NUDT21: variants seen among roughly 807,000 people sequenced by gnomAD.
NUDT21 encodes the protein nudix hydrolase 21.
In NUDT21, 5 loss-of-function variants were observed where a neutral mutation model predicts 29.8. That is an observed-to-expected ratio of 0.17 (90% CI 0.09 to 0.35). NUDT21 has a LOEUF of 0.35. NUDT21 is among the 10% of genes least tolerant of loss of function. The probability of loss-of-function intolerance (pLI) is 1.00; values close to 1 mark genes in which losing one functional copy is unlikely to be tolerated. For synonymous variants in NUDT21, 113 were observed against 98.5 expected, an observed-to-expected ratio of 1.15 and a Z score of -0.87; for missense variants, 76 against 276.0, an observed-to-expected ratio of 0.28 and a Z score of 5.13.
Position 56,432,440 on chromosome 16 carries a change from A to G in NUDT21, c.*272T>C, listed in dbSNP as rs536153794. The G allele has an allele frequency of 5.0e-4, 161 of 319,430 alleles. No homozygotes were observed. The highest frequency in any genetic ancestry group is 5.9e-4 in the Non-Finnish European group (102 of 173,820). The allele number at this position is 319,430 out of a possible 1,614,324, so 19.8% of individuals were successfully genotyped here. ...CACCTATAAGAATTTTAGAAGTTTA[A>G]TGAGAAATTAAAATAAAAAAAGTCC... On this transcript the variant is annotated 3_prime_UTR_variant, in exon 7 of 7. Coordinates refer to ENST00000300291, the MANE Select transcript of NUDT21 (RefSeq NM_007006.3).
Position 56,451,070 on chromosome 16 carries a change from G to T in NUDT21, c.116+17C>A. 1 of 1,605,560 alleles carries T rather than the reference G, an allele frequency of 6.2e-7. No homozygotes were observed. ...CTTTCACGAGAGAAATGCCCGCCAA[G>T]GCCGCGCCGCACTTACAGGTTGATG... On this transcript the variant is annotated intron_variant, in intron 1 of 6. Coordinates refer to ENST00000300291, the MANE Select transcript of NUDT21 (RefSeq NM_007006.3).
At chr16:56,446,795 A>G in intron 2 of NUDT21, 106 bp from the exon 3 acceptor site, 1 of 635,386 alleles carries the variant, frequency 1.6e-6, no homozygotes, top group African/African-American at 1.9e-5. Context: ...ATATTTCAGC[A>G]TAATAAGGCA....
chr16:56,449,578 C>T (rs768455216), intron 1 of NUDT21, among the ~76,000 whole-genome samples: 1 of 151,944 alleles, frequency 6.6e-6, no homozygotes, highest in African/African-American at 2.4e-5. Context: ...TTTAATAGAG[C>T]GAAGATTAAA....
At chr16:56,441,422 A>G (rs1179735394) in intron 3 of NUDT21, among the ~76,000 whole-genome samples, 3 of 151,822 alleles carry the variant, frequency 2.0e-5, no homozygotes, top group African/African-American at 7.3e-5. Context: ...TTTAGTAGAG[A>G]CAGGGTTTCA....
Position 56,430,492 on chromosome 16 carries a change from A to ATG in NUDT21, c.*2218_*2219dup, listed in dbSNP as rs1390418056. 6.6e-5 allele frequency: 10 copies of ATG among 152,236 alleles called. No homozygotes were observed. Among genetic ancestry groups the ATG allele is most frequent in the African/African-American group, 2.4e-4 (10 of 41,466 alleles). The allele number at this position is 152,236 out of a possible 1,614,324, so 9.4% of individuals were successfully genotyped here. ...TACAACATAGAAGCCACTAAAAAAT[A>ATG]TGGGTCTATTAATCAAGAGCCCATT... On this transcript the variant is annotated 3_prime_UTR_variant, in exon 7 of 7. Transcript: ENST00000300291.
intron 4 of NUDT21, among the ~76,000 whole-genome samples, chr16:56,436,141 C>A (rs1962101961): frequency 6.6e-6 from 1 of 151,742 alleles, no homozygotes; most frequent in Non-Finnish European, 1.5e-5. Flanking sequence ...TTATACAATT[C>A]TTGTATAAAT....
chr16:56,450,214 T>C (rs1962272051), intron 1 of NUDT21, among the ~76,000 whole-genome samples: 1 of 152,152 alleles, frequency 6.6e-6, no homozygotes, highest in South Asian at 2.1e-4. Context: ...CCGCGTTGCC[T>C]CGAAAACAAA....
In NUDT21 at chr16:56,430,401, CA is replaced by C. The variant is rs1962020678; in HGVS notation, c.*2310del. 1 of 152,132 alleles carries C rather than the reference CA, an allele frequency of 6.6e-6. No individual in the cohort carries two copies. The highest frequency in any genetic ancestry group is 2.1e-4 in the South Asian group (1 of 4,836). The allele number at this position is 152,132 out of a possible 1,614,324, so 9.4% of individuals were successfully genotyped here. ...AGAATCTGCACTATACTTGGATACT[CA>C]GGGAAAATAAGATGACATATATTGT... On this transcript the variant is annotated 3_prime_UTR_variant, in exon 7 of 7. Transcript: ENST00000300291.
intron 6 of NUDT21, among the ~76,000 whole-genome samples, chr16:56,433,373 A>T (rs1411198452): frequency 6.6e-6 from 1 of 152,218 alleles, no homozygotes; most frequent in East Asian, 1.9e-4. Context: ...TCAAATAGGT[A>T]TAATAGTTTG....
At chr16:56,432,867 C>T (rs1056958512) in intron 6 of NUDT21, 134 bp from the exon 7 acceptor site, 2 of 570,934 alleles carry the variant, frequency 3.5e-6, no homozygotes. Context: ...CCTTCGAATG[C>T]CTTTTTACCA....
Position 56,447,945 on chromosome 16 carries a change from T to A in NUDT21, c.161A>T (p.Tyr54Phe). 6.2e-7 allele frequency: 1 copy of A among 1,614,130 alleles called. No homozygotes were observed. The highest frequency in any genetic ancestry group is 1.3e-5 in the African/African-American group (1 of 75,056). The change falls in exon 2 of 7, where the codon TAC (tyrosine) becomes TTC (phenylalanine). Residue 54 changes from tyrosine (Y) to phenylalanine (F), a missense_variant. Tyr to Phe is a conservative substitution (Grantham distance 22). Coordinates refer to ENST00000300291, the MANE Select transcript of NUDT21 (RefSeq NM_007006.3). ...GGCTGCAACAGAGCTGTCCTTCTCG[T>A]AGAGGGGCTCTTTTGTACCAAAAGT... ...NYTFGTKEPLYEKDSSVAARF... is the reference protein window; with the variant it reads ...NYTFGTKEPLFEKDSSVAARF...
At chr16:56,444,535 C>T (rs114489323) in intron 3 of NUDT21, among the ~76,000 whole-genome samples, 1,637 of 145,470 alleles carry the variant, frequency 0.011, 35 homozygotes, top group African/African-American at 0.04. Context: ...AGTGAGCAAC[C>T]ATTGCTCACA....
At position 56,432,674 on chromosome 16, in the gene NUDT21, G is replaced by A. The variant is rs1205363009; in HGVS notation, c.*38C>T. 1.2e-6 allele frequency: 2 copies of A among 1,601,326 alleles called. No individual in the cohort carries two copies. The highest frequency in any genetic ancestry group is 1.7e-6 in the Non-Finnish European group (2 of 1,172,408). ...CACTGTATATAGCTGTGCTCACAGAGACAAGCGGCTTCTTTTACTTCTCCA... is the reference window on the plus strand; with the variant it reads ...CACTGTATATAGCTGTGCTCACAGAAACAAGCGGCTTCTTTTACTTCTCCA... On this transcript the variant is annotated 3_prime_UTR_variant, in exon 7 of 7. Transcript: ENST00000300291.
chr16:56,442,814 A>G (rs1270385350), intron 3 of NUDT21, among the ~76,000 whole-genome samples: 3 of 152,094 alleles, frequency 2.0e-5, no homozygotes, highest in Non-Finnish European at 4.4e-5. Context: ...CCTACATTCT[A>G]TCTTTTTATC....
chr16:56,449,831 C>G (rs1962263262), intron 1 of NUDT21, among the ~76,000 whole-genome samples: 1 of 152,128 alleles, frequency 6.6e-6, no homozygotes, highest in South Asian at 2.1e-4. Context: ...CCAGACTGAT[C>G]TCCAACTCCT....
At chr16:56,445,477 T>C (rs1277608001) in intron 3 of NUDT21, among the ~76,000 whole-genome samples, 3 of 152,238 alleles carry the variant, frequency 2.0e-5, no homozygotes, top group African/African-American at 7.2e-5. Flanking sequence ...TAAGTGATTA[T>C]TGACTATAGT....
chr16:56,440,408 G>C (rs1962146306), intron 3 of NUDT21, among the ~76,000 whole-genome samples: 1 of 152,158 alleles, frequency 6.6e-6, no homozygotes, highest in Non-Finnish European at 1.5e-5. Flanking sequence ...TTAACCTAAT[G>C]TCCTTTTTCA....
chr16:56,444,611 AAACAAAAAC>A (rs1328702318), intron 3 of NUDT21, among the ~76,000 whole-genome samples: 2 of 149,608 alleles, frequency 1.3e-5, no homozygotes, highest in African/African-American at 4.9e-5. Flanking sequence ...AAAAAAAAAA[AAACAAAAAC>A]AAAAAAAAAA....
chr16:56,450,980 G>A (rs1962301299), intron 1 of NUDT21, 107 bp downstream of exon 1: 1 of 838,872 alleles, frequency 1.2e-6, no homozygotes, highest in Admixed American at 2.2e-5. Context: ...GGAGTTGGAG[G>A]CGGGGAGGTG....
Sources: allele counts gnomAD v4.1 joint callset (sites outside exome capture counted in the v4.1 genomes callset), GRCh38; gene constraint gnomAD v4.1.1; transcripts MANE v1.5; gene names NCBI Gene and HGNC (gene_info 2026-07-23, HGNC 2026-07-21).